Variants in MTCL3 observed in about 807,000 individuals in gnomAD.
The protein encoded by MTCL3 is MTCL family member 3, also known as microtubule cross-linking factor 3.
At chr6:127,516,016 C>G in the MTCL3 span, 4 of 1,587,684 alleles carry the variant, frequency 2.5e-6, no homozygotes, top group East Asian at 9.1e-5. Flanking sequence ...AGCGCGTACG[C>G]CTTTCCCTCG....
the MTCL3 span, among the ~76,000 whole-genome samples, chr6:127,484,962 A>C: frequency 2.0e-5 from 3 of 152,214 alleles, no homozygotes; most frequent in Non-Finnish European, 4.4e-5. Context: ...TGTCACCCAG[A>C]AAGCTGTTGG....
At chr6:127,500,019 TG>T in the MTCL3 span, among the ~76,000 whole-genome samples, 1 of 152,176 alleles carries the variant, frequency 6.6e-6, no homozygotes. Flanking sequence ...GGGGTGGTGA[TG>T]GTTTCCAAGA....
the MTCL3 span, chr6:127,517,679 A>C: frequency 6.6e-6 from 1 of 152,252 alleles, no homozygotes; most frequent in Non-Finnish European, 1.5e-5. Flanking sequence ...GACAGAACCC[A>C]GAAGGCTGGT....
At chr6:127,477,923 C>T in the MTCL3 span, among the ~76,000 whole-genome samples, 2 of 152,044 alleles carry the variant, frequency 1.3e-5, no homozygotes, top group Admixed American at 1.3e-4. Context: ...ATATTCCTTC[C>T]ACTGCACATG....
the MTCL3 span, among the ~76,000 whole-genome samples, chr6:127,500,412 A>T: frequency 6.6e-6 from 1 of 152,240 alleles, no homozygotes; most frequent in African/African-American, 2.4e-5. Flanking sequence ...CTGAAAAATC[A>T]TGTCAAGTAT....
the MTCL3 span, among the ~76,000 whole-genome samples, chr6:127,501,890 G>A: frequency 6.6e-6 from 1 of 152,158 alleles, no homozygotes; most frequent in Non-Finnish European, 1.5e-5. Context: ...TTCAAATTCA[G>A]TCAGGTCTAA....
chr6:127,486,480 G>GT, the MTCL3 span, among the ~76,000 whole-genome samples: 1 of 152,124 alleles, frequency 6.6e-6, no homozygotes, highest in Non-Finnish European at 1.5e-5. Context: ...ATGAAACTGT[G>GT]TAACCTCCCC....
At chr6:127,475,072 A>G in the MTCL3 span, among the ~76,000 whole-genome samples, 1 of 152,246 alleles carries the variant, frequency 6.6e-6, no homozygotes, top group Non-Finnish European at 1.5e-5. This position sits in a 1 kb window ranked among gnomAD's most constrained non-coding sequence, Gnocchi z 7.3. Flanking sequence ...AGAGGAAGAA[A>G]TGGTGACTAT....
At chr6:127,516,597 G>T in the MTCL3 span, 1 of 1,595,700 alleles carries the variant, frequency 6.3e-7, no homozygotes, top group Middle Eastern at 1.9e-4. Flanking sequence ...CAGCGCCCCC[G>T]ATTGGTGGCT....
the MTCL3 span, among the ~76,000 whole-genome samples, chr6:127,480,589 C>T: frequency 6.6e-6 from 1 of 152,158 alleles, no homozygotes; most frequent in African/African-American, 2.4e-5. Flanking sequence ...AAAAAGGAGA[C>T]ATGGGAGTAT....
the MTCL3 span, among the ~76,000 whole-genome samples, chr6:127,499,862 C>T: frequency 2.2e-4 from 34 of 152,186 alleles, no homozygotes; most frequent in African/African-American, 7.5e-4. Flanking sequence ...GAGTATTTCC[C>T]CTCACTACCT....
chr6:127,518,239 A>T, the MTCL3 span, among the ~76,000 whole-genome samples: 2 of 152,216 alleles, frequency 1.3e-5, no homozygotes, highest in African/African-American at 4.8e-5. Flanking sequence ...CTATCTAACT[A>T]ACTTATATTG....
At chr6:127,515,729 G>C in the MTCL3 span, 1 of 1,595,052 alleles carries the variant, frequency 6.3e-7, no homozygotes, top group East Asian at 2.3e-5. This position sits in a 1 kb window ranked among gnomAD's most constrained non-coding sequence, Gnocchi z 4.3. Context: ...ACGGCAGGGG[G>C]GCCAGACACC....
the MTCL3 span, chr6:127,482,827 C>G: frequency 1.0e-6 from 1 of 996,672 alleles, no homozygotes; most frequent in Non-Finnish European, 1.4e-6. This position sits in a 1 kb window ranked among gnomAD's most constrained non-coding sequence, Gnocchi z 4.1. Flanking sequence ...GTTTATCTGG[C>G]CATTATATCT....
At chr6:127,500,886 A>G in the MTCL3 span, among the ~76,000 whole-genome samples, 2 of 152,070 alleles carry the variant, frequency 1.3e-5, no homozygotes, top group African/African-American at 4.8e-5. Flanking sequence ...ATCTCAGCTC[A>G]CTGCAACCTC....
At chr6:127,477,064 T>C in the MTCL3 span, among the ~76,000 whole-genome samples, 2 of 152,238 alleles carry the variant, frequency 1.3e-5, no homozygotes, top group Non-Finnish European at 2.9e-5. Context: ...ATGCTCAGGC[T>C]CTTGATTTCT....
the MTCL3 span, among the ~76,000 whole-genome samples, chr6:127,505,884 A>G: frequency 1.3e-5 from 2 of 152,182 alleles, no homozygotes; most frequent in African/African-American, 4.8e-5. Flanking sequence ...TGACTATATG[A>G]AAAAATAATT....
chr6:127,495,814 A>G, the MTCL3 span, among the ~76,000 whole-genome samples: 8 of 152,242 alleles, frequency 5.3e-5, no homozygotes, highest in Non-Finnish European at 1.0e-4. Context: ...ACCAAATTTA[A>G]AAATGTAAAC....
At chr6:127,516,523 C>A in the MTCL3 span, 1 of 1,598,808 alleles carries the variant, frequency 6.3e-7, no homozygotes, top group Non-Finnish European at 8.5e-7. Context: ...TCTGCTGCTG[C>A]CCTCCGGGTG....
Sources: gnomAD v4.1 joint callset for allele counts (sites outside exome capture counted in the v4.1 genomes callset) on GRCh38, gnomAD v4.1.1 for gene constraint, Gnocchi (gnomAD v3.1) non-coding constraint, MANE v1.5 for transcripts, NCBI Gene and HGNC (gene_info 2026-07-23, HGNC 2026-07-21) for gene names.